The following CLEC4F variants were observed in gnomAD, a reference collection of about 807,000 sequenced individuals.
The protein encoded by CLEC4F is C-type lectin domain family 4 member F, also known as C-type (calcium dependent, carbohydrate-recognition domain) lectin, superfamily member 13.
Under a neutral mutation model 53.4 loss-of-function variants are expected in CLEC4F, and 45 were observed. That is an observed-to-expected ratio of 0.84 (90% CI 0.66 to 1.08). The LOEUF is 1.08. CLEC4F is among the 50% of genes least tolerant of loss of function. The pLI, the probability that CLEC4F is intolerant of heterozygous loss-of-function variation, is 0.00. For missense variants in CLEC4F, 753 were observed against 698.2 expected (o/e 1.08, Z -0.88); for synonymous variants, 245 against 257.5 (o/e 0.95, Z 0.46).
upstream of CLEC4F, among the ~76,000 whole-genome samples, chr2:70,821,115 G>C (rs1053246658): frequency 7.9e-5 from 12 of 152,066 alleles, no homozygotes; most frequent in African/African-American, 2.9e-4. Flanking sequence ...GAGCATCTGT[G>C]GACTTTGGTA....
Position 70,817,127 on chromosome 2 carries a change from T to A in CLEC4F, c.269-15A>T. 1 of 1,597,472 alleles carries A rather than the reference T, an allele frequency of 6.3e-7. No individual in the cohort carries two copies. The highest frequency in any genetic ancestry group is 8.5e-7 in the Non-Finnish European group (1 of 1,176,216). On this transcript the variant is annotated splice_polypyrimidine_tract_variant and intron_variant, in intron 3 of 6. Coordinates refer to ENST00000272367, the MANE Select transcript of CLEC4F (RefSeq NM_173535.3). ...GTGGTGATGATCTGGAGGGAGGAAG[T>A]GAAGAAGGCAGCCAAAGAGGCCCAT... is the stretch of plus-strand genomic sequence containing the variant.
Position 70,809,643 on chromosome 2 carries a change from C to T in CLEC4F, c.1658+96G>A, listed in dbSNP as rs1676436055. The T allele has an allele frequency of 6.1e-6, 6 of 988,828 alleles. No individual in the cohort carries two copies. The East Asian group carries it at 9.5e-5, about 16-fold the overall frequency. 61.3% of individuals were successfully genotyped at this position (988,828 alleles called of 1,614,324 possible). A position where few individuals can be genotyped will look rare whatever the true frequency, so the allele number is the denominator to read the frequency against. ...CACACACGTCACACACACATATACA[C>T]ACAACACTACCACTTACTGGGAAGG... On this transcript the variant is annotated intron_variant, in intron 6 of 6. Transcript: ENST00000272367.
At chr2:70,810,387 G>A (rs1676479626) in intron 5 of CLEC4F, among the ~76,000 whole-genome samples, 1 of 152,076 alleles carries the variant, frequency 6.6e-6, no homozygotes, top group Non-Finnish European at 1.5e-5. Flanking sequence ...GGGAGGCCAA[G>A]GCAGGCGGAT....
intron 4 of CLEC4F, among the ~76,000 whole-genome samples, chr2:70,813,609 T>TTCTTTCTTTC (rs1221201831): frequency 7.2e-5 from 10 of 139,822 alleles, no homozygotes. Flanking sequence ...CTTTCTTTCT[T>TTCTTTCTTTC]TCTTTCTTTC....
At chr2:70,813,645 C>CTTTCTT (rs1676735910) in intron 4 of CLEC4F, among the ~76,000 whole-genome samples, 3 of 16,608 alleles carry the variant, frequency 1.8e-4, no homozygotes, top group African/African-American at 4.5e-4. Flanking sequence ...CTTTCTTTCG[C>CTTTCTT]TCTCTCTCTT....
intron 4 of CLEC4F, among the ~76,000 whole-genome samples, chr2:70,813,741 G>A (rs899918327): frequency 6.0e-5 from 9 of 151,230 alleles, no homozygotes; most frequent in African/African-American, 1.2e-4. Context: ...GCAATGGTGC[G>A]ATCTTGGCTC....
upstream of CLEC4F, among the ~76,000 whole-genome samples, chr2:70,823,756 C>T (rs536157849): frequency 6.6e-5 from 10 of 152,262 alleles, no homozygotes; most frequent in South Asian, 2.1e-4. Flanking sequence ...TGGCCAGGCA[C>T]GGTGGCTCAT....
chr2:70,824,046 GA>G (rs1187004796), upstream of CLEC4F, among the ~76,000 whole-genome samples: 1 of 75,084 alleles, frequency 1.3e-5, no homozygotes, highest in East Asian at 6.9e-4. Context: ...AAGAAAGAAA[GA>G]AAGAAAGAAA....
Position 70,809,859 on chromosome 2 carries a change from T to C in CLEC4F, c.1540-2A>G. ...ACTTGTGAACTCTACCAGAAATGCC[T>C]GCAGAGAAAAGGCAGTGTCAGTTTG... On this transcript the variant is annotated splice_acceptor_variant, in intron 5 of 6. Coordinates refer to ENST00000272367, the MANE Select transcript of CLEC4F (RefSeq NM_173535.3). LOFTEE classifies it high-confidence loss of function. 5 of 1,607,522 alleles carry C rather than the reference T, an allele frequency of 3.1e-6. No individual in the cohort carries two copies. Among genetic ancestry groups the C allele is most frequent in the Non-Finnish European group, 4.3e-6 (5 of 1,173,898 alleles).
intron 4 of CLEC4F, among the ~76,000 whole-genome samples, chr2:70,814,308 C>A (rs1437401535): frequency 6.6e-6 from 1 of 152,094 alleles, no homozygotes; most frequent in African/African-American, 2.4e-5. Context: ...CTGGTGGAAG[C>A]TGAACCAGAA....
Position 70,809,790 on chromosome 2 carries a change from C to T in CLEC4F, c.1607G>A (p.Gly536Asp). The stretch of plus-strand genomic sequence containing the variant: ...TGTCCCATCTGTCCAGCGCCAGGAG[C>T]CCTCTGTGCCCCTGTCAGTGAGACC... ...WIGLTDRGTE[G>D]SWRWTDGTPF... Residue 536 changes from glycine (G) to aspartate (D), a missense_variant, in exon 6 of 7, where the codon GGC (glycine) becomes GAC (aspartate). By Grantham distance (94) the Gly-to-Asp change is moderately conservative (BLOSUM62 -1). Transcript: ENST00000272367. The T allele has an allele frequency of 6.2e-7, 1 of 1,614,174 alleles. No individual in the cohort carries two copies. Among genetic ancestry groups the T allele is most frequent in the South Asian group, 1.1e-5 (1 of 91,080 alleles).
chr2:70,824,621 CCAAAAAAAA>C (rs1234732898), upstream of CLEC4F, among the ~76,000 whole-genome samples: 11 of 38,252 alleles, frequency 2.9e-4, no homozygotes, highest in African/African-American at 3.9e-4. Context: ...TGCTTAGTTA[CCAAAAAAAA>C]AAAAAAAAAA....
chr2:70,819,314 C>T (rs782295190), intron 3 of CLEC4F, 41 bp downstream of exon 3: 1 of 1,519,694 alleles, frequency 6.6e-7, no homozygotes, highest in South Asian at 1.1e-5. Flanking sequence ...ATCTGAAGGC[C>T]CCAGTTCCCT....
chr2:70,819,898 G>A lies in CLEC4F; in HGVS notation c.62-7C>T, dbSNP rs1677143075. 6.4e-7 allele frequency: 1 copy of A among 1,563,874 alleles called. No individual in the cohort carries two copies. Among genetic ancestry groups the A allele is most frequent in the Non-Finnish European group, 8.7e-7 (1 of 1,154,910 alleles). On this transcript the variant is annotated splice_region_variant and splice_polypyrimidine_tract_variant and intron_variant, in intron 1 of 6. Transcript: ENST00000272367. ...ATTGCCACAGAGTCCACCTCTGCAG[G>A]GGAGAAGGCAGTGTCCAAGGTGAGA...
Position 70,808,927 on chromosome 2 carries a change from C to T in CLEC4F, c.*344G>A. ...GAGCAGCCCCTCAGCTCTGGCCTGCCCTCAGGCCACACCCTGGCCCATGGG... is the reference window on the plus strand; with the variant it reads ...GAGCAGCCCCTCAGCTCTGGCCTGCTCTCAGGCCACACCCTGGCCCATGGG... On this transcript the variant is annotated 3_prime_UTR_variant, in exon 7 of 7. Transcript: ENST00000272367. The T allele has an allele frequency of 1.4e-6, 1 of 730,802 alleles. No individual in the cohort carries two copies. Among genetic ancestry groups the T allele is most frequent in the Non-Finnish European group, 2.3e-6 (1 of 439,862 alleles). The allele number at this position is 730,802 out of a possible 1,614,324, so 45.3% of individuals were successfully genotyped here.
At chr2:70,819,953 G>A in intron 1 of CLEC4F, 62 bp from the exon 2 acceptor site, 1 of 1,133,620 alleles carries the variant, frequency 8.8e-7, no homozygotes, top group Middle Eastern at 2.1e-4. Context: ...AGGGTGCTGT[G>A]CAGGCTGAGA....
intron 5 of CLEC4F, among the ~76,000 whole-genome samples, chr2:70,810,138 C>CT (rs144978548): frequency 0.03 from 4,320 of 143,056 alleles, 67 homozygotes; most frequent in African/African-American, 0.041. Flanking sequence ...AGCTCTCACT[C>CT]TTTTTTTTTT....
chr2:70,813,397 G>T (rs1005591398), intron 4 of CLEC4F, among the ~76,000 whole-genome samples: 2 of 152,158 alleles, frequency 1.3e-5, no homozygotes, highest in Non-Finnish European at 2.9e-5. Context: ...GAATAGTCAC[G>T]GAAGAAGGTA....
upstream of CLEC4F, among the ~76,000 whole-genome samples, chr2:70,822,744 C>T (rs4852228): frequency 0.24 from 36,955 of 152,164 alleles, 4,522 homozygotes; most frequent in Non-Finnish European, 0.26. Flanking sequence ...ACATATTACA[C>T]CATCATAGCA....
Sources: allele counts gnomAD v4.1 joint callset (sites outside exome capture counted in the v4.1 genomes callset), GRCh38; gene constraint gnomAD v4.1.1; transcripts MANE v1.5; gene names NCBI Gene and HGNC (gene_info 2026-07-23, HGNC 2026-07-21).